EFCAB12: variants seen among roughly 807,000 people sequenced by gnomAD.
EFCAB12 encodes EF-hand calcium binding domain 12.
A neutral mutation model predicts 53.6 loss-of-function variants in EFCAB12; 43 were observed. The observed-to-expected ratio is 0.80, with a 90% confidence interval of 0.63 to 1.03. The LOEUF is 1.03. EFCAB12 is among the 50% of genes least tolerant of loss of function. EFCAB12 has a pLI of 0.00. For synonymous variants in EFCAB12, 269 were observed against 289.2 expected, an observed-to-expected ratio of 0.93 and a Z score of 0.71; for missense variants, 646 against 730.6, an observed-to-expected ratio of 0.88 and a Z score of 1.34.
chr3:129,417,341 C>CCAAAAACAAAAAAAAAAAAAAA (rs2072129818), intron 3 of EFCAB12, among the ~76,000 whole-genome samples: 1 of 63,670 alleles, frequency 1.6e-5, no homozygotes, highest in Non-Finnish European at 3.7e-5. Flanking sequence ...AAAAAAAAAC[C>CCAAAAACAAAAAAAAAAAAAAA]AAAAAAAAAA....
chr3:129,408,748 C>T lies in EFCAB12; in HGVS notation c.1146G>A (p.Glu382=), dbSNP rs1276934763. The change falls in exon 6 of 9, where the codon GAG becomes GAA. Residue 382 remains glutamate (E), a synonymous_variant. Transcript: ENST00000505956. The part of the protein sequence containing the change: ...LPSTIHGDMR[E]LIDSARRHNF... ...TGTGCCTGCGGGCCGAGTCAATGAGCTCCCTCATATCCCCGTGGATGGTGG... is the reference window on the plus strand; with the variant it reads ...TGTGCCTGCGGGCCGAGTCAATGAGTTCCCTCATATCCCCGTGGATGGTGG... The T allele has an allele frequency of 6.3e-7, 1 of 1,583,268 alleles. No homozygotes were observed. Among genetic ancestry groups the T allele is most frequent in the Non-Finnish European group, 8.6e-7 (1 of 1,163,336 alleles).
intron 1 of EFCAB12, among the ~76,000 whole-genome samples, chr3:129,423,134 T>C (rs962557288): frequency 6.6e-6 from 1 of 152,216 alleles, no homozygotes; most frequent in African/African-American, 2.4e-5. Context: ...AGTTGATTAG[T>C]AGCAGAGCTG....
intron 5 of EFCAB12, 124 bp downstream of exon 5, chr3:129,411,034 G>T: frequency 1.0e-6 from 1 of 971,874 alleles, no homozygotes; most frequent in Non-Finnish European, 1.5e-6. Context: ...AAGAAGGGGT[G>T]GTTGTAGAGG....
intron 2 of EFCAB12, among the ~76,000 whole-genome samples, chr3:129,420,568 G>GC (rs1468850132): frequency 2.6e-5 from 4 of 152,176 alleles, no homozygotes; most frequent in African/African-American, 7.2e-5. Flanking sequence ...CCTCACAATC[G>GC]TCATCCTCAC....
chr3:129,413,560 T>A (rs2072074060), intron 4 of EFCAB12: 1 of 152,192 alleles, frequency 6.6e-6, no homozygotes, highest in African/African-American at 2.4e-5. Flanking sequence ...GACACGCAAC[T>A]CTGCCTCCCA....
intron 1 of EFCAB12, among the ~76,000 whole-genome samples, chr3:129,425,217 C>T (rs1237460036): frequency 6.6e-6 from 1 of 152,292 alleles, no homozygotes; most frequent in African/African-American, 2.4e-5. Context: ...CCCTAGACCC[C>T]CAATCCATGT....
In EFCAB12 at chr3:129,418,268, C is replaced by T. The variant is rs149643945; in HGVS notation, c.667G>A (p.Ala223Thr). 8.7e-6 allele frequency: 14 copies of T among 1,610,654 alleles called. No homozygotes were observed. The highest frequency in any genetic ancestry group is 1.7e-5 in the Admixed American group (1 of 59,820). ...NQRITREEFI[A>T]AVKAVGVPLK... ...GTGGCACTTACTGCCTTTACAGCCG[C>T]GATGAACTCCTCCCTGGTGATTCTC... The change falls in exon 3 of 9, where the codon GCG becomes ACG. Residue 223 changes from alanine to threonine, a missense_variant. Physicochemically the swap from Ala to Thr is moderately conservative, Grantham distance 58 (BLOSUM62 0). Coordinates refer to ENST00000505956, the MANE Select transcript of EFCAB12 (RefSeq NM_207307.3).
intron 1 of EFCAB12, among the ~76,000 whole-genome samples, chr3:129,422,645 C>G (rs1559792438): frequency 1.3e-5 from 2 of 152,182 alleles, no homozygotes; most frequent in African/African-American, 4.8e-5. Flanking sequence ...CACTTTCCTT[C>G]AGACCACTTA....
chr3:129,423,634 T>TAAA (rs1577052836), intron 1 of EFCAB12, among the ~76,000 whole-genome samples: 4 of 151,812 alleles, frequency 2.6e-5, no homozygotes, highest in Admixed American at 1.3e-4. Context: ...CAAAAAAATT[T>TAAA]AAAAAAATCA....
intron 4 of EFCAB12, chr3:129,413,015 CA>C (rs1404525389): frequency 6.6e-6 from 1 of 152,268 alleles, no homozygotes; most frequent in African/African-American, 2.4e-5. Context: ...AGGCTGTGAA[CA>C]AGTGGCTCAG....
At chr3:129,404,855 T>A (rs2071927603) in intron 6 of EFCAB12, among the ~76,000 whole-genome samples, 1 of 152,222 alleles carries the variant, frequency 6.6e-6, no homozygotes. Flanking sequence ...GGTCTCACAC[T>A]GTCGCCCAGG....
At position 129,428,557 on chromosome 3, in the gene EFCAB12, A is replaced by G. The variant is rs2072298668; in HGVS notation, c.-69T>C. The G allele has an allele frequency of 2.6e-6, 4 of 1,561,236 alleles. No individual in the cohort carries two copies. Among genetic ancestry groups the G allele is most frequent in the Non-Finnish European group, 3.5e-6 (4 of 1,148,308 alleles). ...TGTGTCGATGTGGGCTTGCTTGCGT[A>G]GGGGTACCGGGGTATCAGATAAACC... On this transcript the variant is annotated 5_prime_UTR_variant, in exon 1 of 9. Coordinates refer to ENST00000505956, the MANE Select transcript of EFCAB12 (RefSeq NM_207307.3).
intron 3 of EFCAB12, among the ~76,000 whole-genome samples, chr3:129,416,991 C>G (rs1025322824): frequency 1.3e-5 from 2 of 152,050 alleles, no homozygotes; most frequent in African/African-American, 4.8e-5. Context: ...AAACGTAATT[C>G]ATCTAGACTA....
intron 1 of EFCAB12, among the ~76,000 whole-genome samples, chr3:129,426,180 A>G (rs2107743863): frequency 6.6e-6 from 1 of 152,104 alleles, no homozygotes; most frequent in Non-Finnish European, 1.5e-5. Flanking sequence ...TGTTGCTTCC[A>G]GGCTTATACC....
Position 129,404,360 on chromosome 3 carries a change from T to C in EFCAB12, c.1293A>G (p.Lys431=). The C allele has an allele frequency of 6.2e-7, 1 of 1,613,780 alleles. No homozygotes were observed. The highest frequency in any genetic ancestry group is 8.5e-7 in the Non-Finnish European group (1 of 1,179,858). ...CTCCCGGCTGCCGGATGGGGCACAC[T>C]TTGTCCATCTGGAAAATGATCTTGT... ...PGDKIIFQMD[K]VCPIRQPGGY... The change falls in exon 7 of 9, where the codon AAA becomes AAG. Residue 431 remains lysine, a synonymous_variant. Coordinates refer to ENST00000505956, the MANE Select transcript of EFCAB12 (RefSeq NM_207307.3).
chr3:129,425,254 A>G (rs1445740284), intron 1 of EFCAB12, among the ~76,000 whole-genome samples: 1 of 152,160 alleles, frequency 6.6e-6, no homozygotes, highest in African/African-American at 2.4e-5. Context: ...AGAGCCTTAC[A>G]AATGTAAATT....
intron 6 of EFCAB12, among the ~76,000 whole-genome samples, chr3:129,407,218 C>G (rs1284115151): frequency 6.6e-6 from 1 of 152,208 alleles, no homozygotes; most frequent in Admixed American, 6.5e-5. Flanking sequence ...GGAGAGAGGC[C>G]TTGGAAACCA....
chr3:129,428,516 A>C lies in EFCAB12; in HGVS notation c.-28T>G. 1 of 1,608,294 alleles carries C rather than the reference A, an allele frequency of 6.2e-7. No homozygotes were observed. The highest frequency in any genetic ancestry group is 8.5e-7 in the Non-Finnish European group (1 of 1,177,230). ...TCGTGGTGCTGGGAGGGGGTGCTGA[A>C]GGGCGTGTGTGAATGTGTGTCGATG... On this transcript the variant is annotated 5_prime_UTR_variant, in exon 1 of 9. Transcript: ENST00000505956.
intron 7 of EFCAB12, 79 bp from the exon 8 acceptor site, chr3:129,402,658 G>A (rs1405825668): frequency 1.6e-5 from 22 of 1,374,636 alleles, no homozygotes; most frequent in Admixed American, 4.4e-5. Flanking sequence ...GGTCAGGGCC[G>A]CAGGGGTGGA....
Sources: allele counts gnomAD v4.1 joint callset (sites outside exome capture counted in the v4.1 genomes callset), GRCh38; gene constraint gnomAD v4.1.1; transcripts MANE v1.5; gene names NCBI Gene and HGNC (gene_info 2026-07-23, HGNC 2026-07-21).